The following SI variants were observed in gnomAD, a reference collection of about 807,000 sequenced individuals.
The protein encoded by SI is sucrase-isomaltase, also known as sucrase-isomaltase, intestinal.
A neutral mutation model predicts 253.3 loss-of-function variants in SI; 235 were observed. The ratio of observed to expected loss-of-function variants is 0.93; its 90% CI spans 0.83 to 1.03. The LOEUF is 1.03. Ranked by LOEUF, SI falls within the 50% of genes least tolerant of loss-of-function variation. The pLI is 0.00. For missense variants in SI, 2,442 were observed against 2,211.1 expected (o/e 1.10, Z -2.09); for synonymous variants, 819 against 712.0 (o/e 1.15, Z -2.39).
chr3:165,029,622 A>ATATATAT (rs1712128171), intron 25 of SI, among the ~76,000 whole-genome samples: 10 of 145,464 alleles, frequency 6.9e-5, no homozygotes, highest in South Asian at 2.1e-4. Flanking sequence ...ATATATATGT[A>ATATATAT]ACATTAGCCT....
rs1718964792 is a variant in SI at position 165,015,178 on chromosome 3, T to C, written c.3944A>G (p.Gln1315Arg). The change falls in exon 33 of 48, where the codon CAG (glutamine) becomes CGG (arginine). Residue 1315 changes from glutamine (Q) to arginine (R), a missense_variant. By Grantham distance (43) the Gln-to-Arg change is conservative. Coordinates refer to ENST00000264382, the MANE Select transcript of SI (RefSeq NM_001041.4). Reference sequence around the variant, plus strand: ...CCATTTGACAAAGACATCATTCTGCTGTCCTCTTTCAAATGCAGGGTAAGT... The same window carrying C: ...CCATTTGACAAAGACATCATTCTGCCGTCCTCTTTCAAATGCAGGGTAAGT... ...TKTYPAFERGQQNDVFVKWPN... is the reference protein window; with the variant it reads ...TKTYPAFERGRQNDVFVKWPN... 6.2e-7 allele frequency: 1 copy of C among 1,613,590 alleles called. No homozygotes were observed. Among genetic ancestry groups the C allele is most frequent in the East Asian group, 2.2e-5 (1 of 44,716 alleles).
rs1312098085 is a variant in SI at position 164,987,101 on chromosome 3, A to T, written c.5197+37T>A. 5 of 1,401,142 alleles carry T rather than the reference A, an allele frequency of 3.6e-6. No homozygotes were observed. The East Asian group carries it at 1.1e-4, about 32-fold the overall frequency. The allele number at this position is 1,401,142 out of a possible 1,614,324, so 86.8% of individuals were successfully genotyped here. On this transcript the variant is annotated intron_variant, in intron 45 of 47. Coordinates refer to ENST00000264382, the MANE Select transcript of SI (RefSeq NM_001041.4). ...CGTAAAAGTAATGTGATAGAATACG[A>T]CATCAATTAAATTTATCTACTAAAT...
intron 41 of SI, among the ~76,000 whole-genome samples, chr3:164,993,588 T>C (rs1019672424): frequency 2.6e-4 from 39 of 150,762 alleles, no homozygotes; most frequent in African/African-American, 9.6e-4. Context: ...CTAAATATAC[T>C]GTGATTATTC....
chr3:164,983,622 C>T (rs1230213290), intron 45 of SI, among the ~76,000 whole-genome samples: 1 of 151,974 alleles, frequency 6.6e-6, no homozygotes, highest in Non-Finnish European at 1.5e-5. Flanking sequence ...CAAAGTCTGG[C>T]TCTATTGTCC....
chr3:165,027,298 G>C (rs1369584553), intron 25 of SI, among the ~76,000 whole-genome samples: 2 of 151,052 alleles, frequency 1.3e-5, no homozygotes, highest in Non-Finnish European at 3.0e-5. Flanking sequence ...CAAGAAGTGA[G>C]ATTAAAATGG....
At chr3:165,005,598 C>T (rs551064101) in intron 37 of SI, among the ~76,000 whole-genome samples, 6 of 152,196 alleles carry the variant, frequency 3.9e-5, no homozygotes, top group Non-Finnish European at 7.4e-5. Context: ...CACTAATTAT[C>T]TATTATTTCA....
At chr3:165,004,058 G>T (rs1480073234) in intron 37 of SI, among the ~76,000 whole-genome samples, 3 of 151,812 alleles carry the variant, frequency 2.0e-5, no homozygotes, top group African/African-American at 4.8e-5. Flanking sequence ...TTTGACAAGG[G>T]ATTAATGACC....
At chr3:164,998,223 T>C (rs1718104140) in intron 38 of SI, among the ~76,000 whole-genome samples, 1 of 151,750 alleles carries the variant, frequency 6.6e-6, no homozygotes, top group South Asian at 2.1e-4. Flanking sequence ...AGCTATGAAA[T>C]CTAGAATTTC....
chr3:165,048,481 C>A (rs1251439492), intron 15 of SI, among the ~76,000 whole-genome samples: 1 of 148,846 alleles, frequency 6.7e-6, no homozygotes, highest in Non-Finnish European at 1.5e-5. Context: ...CAGTTATATT[C>A]AGAAATGGTA....
the SI span, among the ~76,000 whole-genome samples, chr3:165,086,104 A>G: frequency 6.6e-6 from 1 of 152,054 alleles, no homozygotes; most frequent in Non-Finnish European, 1.5e-5. Flanking sequence ...AAGTACAAAA[A>G]TTAGCAGGGC....
chr3:164,987,106 A>G, intron 45 of SI, 32 bp downstream of exon 45: 1 of 1,455,142 alleles, frequency 6.9e-7, no homozygotes, highest in Non-Finnish European at 9.7e-7. Context: ...ATACGACATC[A>G]ATTAAATTTA....
chr3:165,031,109 A>G (rs891856923), intron 24 of SI, among the ~76,000 whole-genome samples: 2 of 149,572 alleles, frequency 1.3e-5, no homozygotes, highest in Non-Finnish European at 3.0e-5. Flanking sequence ...ATATGTACAT[A>G]TGTCACACAC....
chr3:165,076,718 A>G (rs1317725130), intron 1 of SI, among the ~76,000 whole-genome samples: 4 of 151,754 alleles, frequency 2.6e-5, no homozygotes, highest in Non-Finnish European at 5.9e-5. Flanking sequence ...ATTAAAAGAC[A>G]TTATACTTTT....
chr3:164,987,744 C>A (rs1414164780), intron 44 of SI, among the ~76,000 whole-genome samples: 2 of 152,068 alleles, frequency 1.3e-5, no homozygotes, highest in African/African-American at 4.8e-5. Flanking sequence ...AAATGTGATG[C>A]ATGTCTTTTG....
intron 1 of SI, among the ~76,000 whole-genome samples, chr3:165,077,539 T>G (rs1316523111): frequency 6.6e-6 from 1 of 151,684 alleles, no homozygotes; most frequent in Non-Finnish European, 1.5e-5. Context: ...GTTCCAGATA[T>G]GTAAGCTGTT....
chr3:164,981,255 CAT>C (rs1717176284), intron 47 of SI, among the ~76,000 whole-genome samples: 1 of 151,872 alleles, frequency 6.6e-6, no homozygotes, highest in Admixed American at 6.6e-5. Context: ...GTAAGAAAAA[CAT>C]AGTTCCATAT....
intron 38 of SI, among the ~76,000 whole-genome samples, chr3:164,997,473 A>G (rs1385635528): frequency 6.7e-6 from 1 of 149,652 alleles, no homozygotes; most frequent in Non-Finnish European, 1.5e-5. Context: ...TCAGTGATTT[A>G]TATTCCCTAG....
intron 37 of SI, among the ~76,000 whole-genome samples, chr3:165,002,386 C>T (rs545929933): frequency 6.6e-6 from 1 of 151,802 alleles, no homozygotes; most frequent in East Asian, 1.9e-4. Context: ...GTAAAACTAT[C>T]TGCAATTTCT....
chr3:164,989,688 A>G lies in SI; in HGVS notation c.5108+1665T>C, dbSNP rs951152311. ...GCAAATTAATGGAAAGGAAAGAGAC[A>G]CCTCCAAGCAATACTGACTTAAAGC... On this transcript the variant is annotated intron_variant, in intron 44 of 47. Transcript: ENST00000264382. 3.3e-4 allele frequency among the ~76,000 whole-genome samples: 50 copies of G among 152,236 alleles called. No individual in the cohort carries two copies. The South Asian group carries it at 3.3e-3, about 10-fold the overall frequency.
Sources: gnomAD v4.1 joint callset for allele counts (sites outside exome capture counted in the v4.1 genomes callset) on GRCh38, gnomAD v4.1.1 for gene constraint, MANE v1.5 for transcripts, NCBI Gene and HGNC (gene_info 2026-07-23, HGNC 2026-07-21) for gene names.